The following MCCC1 variants were observed in gnomAD, a reference collection of about 807,000 sequenced individuals.
MCCC1 encodes methylcrotonoyl-CoA carboxylase subunit alpha, mitochondrial.
In MCCC1, 64 loss-of-function variants were observed where a neutral mutation model predicts 83.8. The observed-to-expected ratio is 0.76, with a 90% CI of 0.62 to 0.94. The LOEUF (loss-of-function observed/expected upper bound fraction) is 0.94. MCCC1 is among the 40% of genes least tolerant of loss of function. The pLI is 0.00. For missense variants in MCCC1, 807 were observed against 904.7 expected (o/e 0.89, Z 1.39); for synonymous variants, 322 against 315.4 (o/e 1.02, Z -0.22).
At chr3:183,080,034 C>A (rs1315312069) in intron 4 of MCCC1, among the ~76,000 whole-genome samples, 1 of 152,212 alleles carries the variant, frequency 6.6e-6, no homozygotes, top group Admixed American at 6.5e-5. Flanking sequence ...GCCCACAAAA[C>A]CATTTTTTCC....
chr3:183,063,714 C>T (rs1316544771), intron 7 of MCCC1, among the ~76,000 whole-genome samples: 1 of 152,062 alleles, frequency 6.6e-6, no homozygotes, highest in Non-Finnish European at 1.5e-5. Context: ...GGATCAGGAC[C>T]CCCGTCTGGT....
chr3:183,025,128 G>C (rs1208855957), intron 15 of MCCC1, among the ~76,000 whole-genome samples: 1 of 152,188 alleles, frequency 6.6e-6, no homozygotes, highest in Non-Finnish European at 1.5e-5. Context: ...TAGAATCGTG[G>C]TTCTCAGGGG....
At chr3:183,023,085 G>T (rs1228137856) in intron 15 of MCCC1, among the ~76,000 whole-genome samples, 2 of 152,128 alleles carry the variant, frequency 1.3e-5, no homozygotes, top group Non-Finnish European at 2.9e-5. Context: ...AAATTAGCTG[G>T]AGATTGGCCA....
At chr3:183,089,728 G>T (rs930442322) in intron 3 of MCCC1, among the ~76,000 whole-genome samples, 3 of 152,084 alleles carry the variant, frequency 2.0e-5, no homozygotes, top group Admixed American at 6.6e-5. Context: ...TACTAGATGA[G>T]GGGGGAAGGA....
At chr3:183,020,342 G>C in intron 16 of MCCC1, 105 bp from the exon 17 acceptor site, 1 of 964,878 alleles carries the variant, frequency 1.0e-6, no homozygotes, top group Non-Finnish European at 1.6e-6. Flanking sequence ...TTAAATATTA[G>C]TCATCATGGC....
At chr3:183,058,586 G>A (rs752316276) in intron 7 of MCCC1, among the ~76,000 whole-genome samples, 4 of 152,158 alleles carry the variant, frequency 2.6e-5, no homozygotes, top group Admixed American at 1.3e-4. Context: ...CTACGATTGC[G>A]CCACTGCATT....
At chr3:183,036,664 C>T (rs1026553183) in intron 13 of MCCC1, among the ~76,000 whole-genome samples, 4 of 151,740 alleles carry the variant, frequency 2.6e-5, no homozygotes, top group South Asian at 2.1e-4. Flanking sequence ...CTCAGCCTCC[C>T]GAGTAGCTGG....
At chr3:183,092,634 A>G in intron 2 of MCCC1, 89 bp from the exon 3 acceptor site, 1 of 1,538,830 alleles carries the variant, frequency 6.5e-7, no homozygotes, top group East Asian at 2.3e-5. Context: ...GCTGATAAGG[A>G]CTCGACTGAT....
intron 3 of MCCC1, among the ~76,000 whole-genome samples, chr3:183,088,055 G>A (rs950088772): frequency 1.3e-5 from 2 of 151,966 alleles, no homozygotes; most frequent in Admixed American, 6.6e-5. Context: ...GGAACACAAT[G>A]AGCAAGGGGT....
At chr3:183,078,524 A>G (rs528902347) in intron 4 of MCCC1, among the ~76,000 whole-genome samples, 1 of 152,288 alleles carries the variant, frequency 6.6e-6, no homozygotes, top group South Asian at 2.1e-4. Context: ...CTGATGAAAT[A>G]TCTGTTTATT....
intron 3 of MCCC1, among the ~76,000 whole-genome samples, chr3:183,088,049 C>T (rs1400356327): frequency 1.3e-5 from 2 of 151,906 alleles, no homozygotes; most frequent in African/African-American, 4.8e-5. Flanking sequence ...GTGGCTGGAA[C>T]ACAATGAGCA....
chr3:183,027,132 A>G (rs1007961066), intron 14 of MCCC1, among the ~76,000 whole-genome samples: 13 of 152,254 alleles, frequency 8.5e-5, no homozygotes, highest in Middle Eastern at 6.8e-3. Context: ...TACTACTATA[A>G]TTGTTTTACG....
At chr3:183,060,585 TTTA>T (rs1715747496) in intron 7 of MCCC1, among the ~76,000 whole-genome samples, 2 of 152,354 alleles carry the variant, frequency 1.3e-5, no homozygotes, top group African/African-American at 2.4e-5. Flanking sequence ...ATAGTTTTTT[TTTA>T]TTATACTTTA....
At chr3:183,017,770 G>A (rs898831037) in intron 17 of MCCC1, 8 of 198,932 alleles carry the variant, frequency 4.0e-5, no homozygotes, top group African/African-American at 1.9e-4. Context: ...CAAATCAGAG[G>A]CCTACAGCCC....
At chr3:183,103,172 A>T (rs2108582281), upstream of MCCC1, among the ~76,000 whole-genome samples, 2 of 151,936 alleles carry the variant, frequency 1.3e-5, no homozygotes, top group South Asian at 4.2e-4. Context: ...GTGAAGCTGC[A>T]GACCTTTGCA....
At chr3:183,102,085 G>A (rs1462237583), upstream of MCCC1, among the ~76,000 whole-genome samples, 1 of 152,218 alleles carries the variant, frequency 6.6e-6, no homozygotes, top group Non-Finnish European at 1.5e-5. Flanking sequence ...GTGAGACCAA[G>A]AACCCACCAA....
At chr3:183,063,473 T>C (rs1331548855) in intron 7 of MCCC1, among the ~76,000 whole-genome samples, 3 of 152,216 alleles carry the variant, frequency 2.0e-5, no homozygotes, top group South Asian at 4.1e-4. Context: ...CAGCACTATT[T>C]TGACAATCTT....
At chr3:183,049,181 TGAGAA>T (rs1421202729) in intron 9 of MCCC1, among the ~76,000 whole-genome samples, 3 of 151,966 alleles carry the variant, frequency 2.0e-5, no homozygotes, top group African/African-American at 4.8e-5. Flanking sequence ...TTTTAATTAA[TGAGAA>T]GAGAACAGCA....
upstream of MCCC1, among the ~76,000 whole-genome samples, chr3:183,100,966 G>A (rs1003644601): frequency 7.2e-5 from 11 of 152,250 alleles, no homozygotes; most frequent in Non-Finnish European, 2.9e-5. Context: ...GGGTGGGCGT[G>A]GGCTTGGTGG....
Sources: allele counts gnomAD v4.1 joint callset (sites outside exome capture counted in the v4.1 genomes callset), GRCh38; gene constraint gnomAD v4.1.1; transcripts MANE v1.5; gene names NCBI Gene and HGNC (gene_info 2026-07-23, HGNC 2026-07-21).